Variants in SUMF1 observed in about 807,000 individuals in gnomAD.
The protein encoded by SUMF1 is sulfatase modifying factor 1.
In SUMF1, 48 loss-of-function variants were observed where a neutral mutation model predicts 47.6. That is an observed-to-expected ratio of 1.01 (90% CI 0.80 to 1.28). SUMF1 has a LOEUF of 1.28. Ranked by LOEUF, SUMF1 falls within the 50% of genes most tolerant of loss-of-function variation. The pLI is 0.00. For missense variants in SUMF1, 571 were observed against 485.4 expected, an observed-to-expected ratio of 1.18 and a Z score of -1.66; for synonymous variants, 230 against 192.1, an observed-to-expected ratio of 1.20 and a Z score of -1.63.
intron 8 of SUMF1, among the ~76,000 whole-genome samples, chr3:4,209,790 T>C (rs750834012): frequency 1.3e-5 from 2 of 152,198 alleles, no homozygotes; most frequent in Non-Finnish European, 1.5e-5. Context: ...TACTTGGGAA[T>C]ACATTTATCA....
chr3:4,138,699 C>T (rs1694002302), intron 8 of SUMF1, among the ~76,000 whole-genome samples: 2 of 152,096 alleles, frequency 1.3e-5, no homozygotes, highest in Admixed American at 1.3e-4. Context: ...ATTTGGGCCC[C>T]TTTCAGACTT....
At chr3:4,344,267 G>A (rs1391914873) in intron 8 of SUMF1, among the ~76,000 whole-genome samples, 2 of 152,198 alleles carry the variant, frequency 1.3e-5, no homozygotes, top group Non-Finnish European at 2.9e-5. Flanking sequence ...CACGGGGAAG[G>A]GGAACCCCCA....
At chr3:4,296,436 T>G (rs1286870374) in intron 8 of SUMF1, among the ~76,000 whole-genome samples, 2 of 149,644 alleles carry the variant, frequency 1.3e-5, no homozygotes, top group East Asian at 3.9e-4. Context: ...CTGGGTAATT[T>G]ATAAAGGAAA....
At chr3:4,356,502 C>A (rs982105513), downstream of SUMF1, among the ~76,000 whole-genome samples, 6 of 152,104 alleles carry the variant, frequency 3.9e-5, no homozygotes, top group Non-Finnish European at 8.8e-5. Context: ...CAAGCCACGA[C>A]CCTTTCTTAC....
At chr3:4,323,842 CTCAG>C (rs1273721068) in intron 8 of SUMF1, among the ~76,000 whole-genome samples, 1 of 152,148 alleles carries the variant, frequency 6.6e-6, no homozygotes. Context: ...GACAGAAGTG[CTCAG>C]TCAGATAGAT....
At chr3:4,093,912 T>C in intron 8 of SUMF1, among the ~76,000 whole-genome samples, 1 of 152,086 alleles carries the variant, frequency 6.6e-6, no homozygotes, top group East Asian at 1.9e-4. Flanking sequence ...GGGATAAATA[T>C]TAAAATTCTA....
chr3:4,100,453 C>A (rs772720333), intron 8 of SUMF1, among the ~76,000 whole-genome samples: 15 of 151,900 alleles, frequency 9.9e-5, no homozygotes, highest in Non-Finnish European at 2.1e-4. Context: ...ATGGTCTCGT[C>A]AATAAATTGT....
chr3:4,132,855 C>T (rs1693824503), intron 8 of SUMF1, among the ~76,000 whole-genome samples: 1 of 152,048 alleles, frequency 6.6e-6, no homozygotes, highest in African/African-American at 2.4e-5. Context: ...TACAGGAGAT[C>T]CATTAGGGCA....
intron 8 of SUMF1, among the ~76,000 whole-genome samples, chr3:4,318,564 A>G (rs1316062195): frequency 1.3e-5 from 2 of 152,216 alleles, no homozygotes; most frequent in African/African-American, 4.8e-5. Flanking sequence ...CACCACTTCT[A>G]TTCAGCATTG....
intron 8 of SUMF1, among the ~76,000 whole-genome samples, chr3:4,260,882 T>A (rs1208305164): frequency 6.6e-6 from 1 of 152,126 alleles, no homozygotes; most frequent in Non-Finnish European, 1.5e-5. Flanking sequence ...TGCAGCCACC[T>A]CTAGAAGCTA....
At chr3:4,124,012 C>T (rs1186417713) in intron 8 of SUMF1, among the ~76,000 whole-genome samples, 1 of 152,134 alleles carries the variant, frequency 6.6e-6, no homozygotes, top group Non-Finnish European at 1.5e-5. Flanking sequence ...TCTAAAAGCT[C>T]TCCCTCCCTC....
chr3:4,086,337 C>G (rs1692671416), intron 8 of SUMF1, among the ~76,000 whole-genome samples: 1 of 151,958 alleles, frequency 6.6e-6, no homozygotes, highest in Admixed American at 6.6e-5. Flanking sequence ...TATTTCAGTC[C>G]TTTGTGCCCT....
chr3:4,387,207 T>A lies in SUMF1; in HGVS notation c.955-10818A>T, dbSNP rs1700704487. Among the ~76,000 whole-genome samples, 6 of 152,188 alleles carry A rather than the reference T, an allele frequency of 3.9e-5. No homozygotes were observed. In the South Asian group the frequency reaches 1.0e-3, roughly 26 times the overall value. On this transcript the variant is annotated intron_variant, in intron 7 of 8. Coordinates refer to ENST00000272902, the MANE Select transcript of SUMF1 (RefSeq NM_182760.4). The stretch of plus-strand genomic sequence containing the variant: ...TTAAATGTCTAGTAAAATTCTTCAA[T>A]GAATCCATTTGGGCCTGGAGATTTG...
At chr3:4,316,153 A>G (rs1445386745) in intron 8 of SUMF1, 1 of 622,570 alleles carries the variant, frequency 1.6e-6, no homozygotes, top group Non-Finnish European at 2.9e-6. Flanking sequence ...CATTTTAATG[A>G]GCATTTCTTT....
At chr3:4,071,432 C>A (rs767934195) in intron 8 of SUMF1, among the ~76,000 whole-genome samples, 17 of 152,194 alleles carry the variant, frequency 1.1e-4, no homozygotes, top group Admixed American at 1.1e-3. Flanking sequence ...AGGAACAGTA[C>A]ACTCCTGCCC....
chr3:4,082,951 G>A lies in SUMF1; in HGVS notation c.1015-14206C>T, dbSNP rs192958203. 2.0e-5 allele frequency among the ~76,000 whole-genome samples: 3 copies of A among 152,248 alleles called. No homozygotes were observed. The East Asian group carries it at 5.8e-4, about 29-fold the overall frequency. ...GCCCAGCAGATAAACGACCAGAGTG[G>A]TGCACTGCCTGACAGAGGTTCATAT... On this transcript the variant is annotated intron_variant and NMD_transcript_variant, in intron 8 of 12. Coordinates refer to the SUMF1 transcript ENST00000448413.
At chr3:4,345,226 T>A (rs1213278789) in intron 8 of SUMF1, among the ~76,000 whole-genome samples, 2 of 152,012 alleles carry the variant, frequency 1.3e-5, no homozygotes, top group African/African-American at 2.4e-5. Flanking sequence ...CCAAGACACA[T>A]AATCGTCAGA....
chr3:4,154,309 C>G (rs1289921219), intron 8 of SUMF1, among the ~76,000 whole-genome samples: 2 of 151,512 alleles, frequency 1.3e-5, no homozygotes, highest in African/African-American at 4.9e-5. Context: ...CCTGGGGAAA[C>G]TAACCTCACC....
At chr3:4,109,962 T>G (rs1445603016) in intron 8 of SUMF1, among the ~76,000 whole-genome samples, 1 of 152,166 alleles carries the variant, frequency 6.6e-6, no homozygotes, top group Non-Finnish European at 1.5e-5. Context: ...GGTCCGTTGC[T>G]GGTGAGGAGC....
Sources: gnomAD v4.1 joint callset for allele counts (sites outside exome capture counted in the v4.1 genomes callset) on GRCh38, gnomAD v4.1.1 for gene constraint, MANE v1.5 for transcripts, NCBI Gene and HGNC (gene_info 2026-07-23, HGNC 2026-07-21) for gene names.